Variants in PIBF1 observed in about 807,000 individuals in gnomAD.
PIBF1 encodes the protein progesterone immunomodulatory binding factor 1, also known as progesterone-induced-blocking factor 1.
A neutral mutation model predicts 112.5 loss-of-function variants in PIBF1; 90 were observed. The observed-to-expected ratio is 0.80, with a 90% CI of 0.67 to 0.95. PIBF1 has a LOEUF of 0.95. PIBF1 is among the 40% of genes least tolerant of loss of function. The probability of loss-of-function intolerance (pLI) is 0.00; values close to 1 mark genes in which losing one functional copy is unlikely to be tolerated. For missense variants in PIBF1, 915 were observed against 852.3 expected (o/e 1.07, Z -0.92); for synonymous variants, 301 against 288.6 (o/e 1.04, Z -0.44).
At chr13:72,798,380 C>A (rs1334795492) in intron 5 of PIBF1, among the ~76,000 whole-genome samples, 1 of 152,144 alleles carries the variant, frequency 6.6e-6, no homozygotes, top group Non-Finnish European at 1.5e-5. Flanking sequence ...TTTTTAACAT[C>A]ACTTTGTCAG....
At chr13:72,864,993 C>G (rs1422055524) in intron 10 of PIBF1, among the ~76,000 whole-genome samples, 1 of 152,034 alleles carries the variant, frequency 6.6e-6, no homozygotes, top group African/African-American at 2.4e-5. Context: ...GTGTAGTCAT[C>G]ATGAAAAGTT....
chr13:72,809,578 G>GT (rs976000443), intron 5 of PIBF1, among the ~76,000 whole-genome samples: 40 of 138,446 alleles, frequency 2.9e-4, no homozygotes, highest in African/African-American at 6.8e-4. Context: ...TTAATAGAAG[G>GT]TTTTTTTTTG....
intron 16 of PIBF1, 71 bp from the exon 17 acceptor site, chr13:72,998,751 A>G: frequency 2.1e-6 from 2 of 971,316 alleles, no homozygotes; most frequent in East Asian, 5.3e-5. Flanking sequence ...AAAATATTTT[A>G]ATATTAATCA....
At chr13:72,988,134 T>A (rs1220297414) in intron 16 of PIBF1, among the ~76,000 whole-genome samples, 1 of 152,038 alleles carries the variant, frequency 6.6e-6, no homozygotes, top group Admixed American at 6.6e-5. Flanking sequence ...ATGCTGAGAT[T>A]ACAGGCATGA....
intron 17 of PIBF1, among the ~76,000 whole-genome samples, chr13:73,010,816 T>C (rs1386426812): frequency 9.7e-5 from 10 of 102,720 alleles, no homozygotes; most frequent in African/African-American, 3.9e-4. Context: ...TTTTCTTTTT[T>C]TTTTTTTTTT....
At chr13:72,998,305 A>G (rs954674112) in intron 16 of PIBF1, among the ~76,000 whole-genome samples, 3 of 152,152 alleles carry the variant, frequency 2.0e-5, no homozygotes, top group African/African-American at 4.8e-5. Context: ...GAGATCTTCA[A>G]AAATTCCAAA....
intron 11 of PIBF1, among the ~76,000 whole-genome samples, chr13:72,907,721 G>A (rs945377558): frequency 1.3e-5 from 2 of 151,952 alleles, no homozygotes; most frequent in Admixed American, 6.6e-5. Flanking sequence ...AGTATATTAT[G>A]TTGTATTAGA....
chr13:72,828,898 C>A (rs917849142), intron 8 of PIBF1, among the ~76,000 whole-genome samples: 2 of 152,192 alleles, frequency 1.3e-5, no homozygotes, highest in Non-Finnish European at 2.9e-5. Flanking sequence ...ACACTCCCAC[C>A]AACACTGTAA....
In PIBF1 at chr13:72,998,825, T is replaced by G. The variant is rs747041142; in HGVS notation, c.2053T>G (p.Leu685Val). ...LEQLLNHREE[L>V]AAMKQILVKM... ...TTCTGTTTTCATATATCAACAGGAA[T>G]TGGCAGCAATGAAACAGATTCTCGT... is the stretch of plus-strand genomic sequence containing the variant. The change falls in exon 17 of 18, where the codon TTG (leucine) becomes GTG (valine). Residue 685 changes from leucine to valine, a missense_variant. Leu to Val is a conservative substitution (Grantham distance 32). Transcript: ENST00000326291. 6.2e-7 allele frequency: 1 copy of G among 1,609,732 alleles called. No individual in the cohort carries two copies. Among genetic ancestry groups the G allele is most frequent in the South Asian group, 1.1e-5 (1 of 90,274 alleles).
At chr13:72,993,775 C>A (rs1205831804) in intron 16 of PIBF1, among the ~76,000 whole-genome samples, 1 of 150,270 alleles carries the variant, frequency 6.7e-6, no homozygotes, top group African/African-American at 2.4e-5. Context: ...ATCAGGATGG[C>A]ATCAGAGTTT....
chr13:72,952,589 G>A (rs1432307786), intron 14 of PIBF1, among the ~76,000 whole-genome samples: 1 of 146,716 alleles, frequency 6.8e-6, no homozygotes, highest in East Asian at 2.0e-4. Flanking sequence ...AGACTATTTT[G>A]TCTACCCCAG....
At chr13:72,813,465 T>C (rs528375693) in intron 5 of PIBF1, among the ~76,000 whole-genome samples, 1 of 152,304 alleles carries the variant, frequency 6.6e-6, no homozygotes, top group Admixed American at 6.5e-5. Flanking sequence ...TTGTCACAGC[T>C]CTGAAGGTTG....
At chr13:72,983,499 G>T (rs564897140) in intron 16 of PIBF1, among the ~76,000 whole-genome samples, 2 of 152,184 alleles carry the variant, frequency 1.3e-5, no homozygotes, top group South Asian at 4.2e-4. Flanking sequence ...TTATTATCCT[G>T]GATAACTTTC....
intron 10 of PIBF1, among the ~76,000 whole-genome samples, chr13:72,866,418 T>C (rs1440167704): frequency 6.6e-6 from 1 of 152,182 alleles, no homozygotes; most frequent in Non-Finnish European, 1.5e-5. Context: ...TTTGAAATGA[T>C]TTAACTAAAA....
intron 2 of PIBF1, among the ~76,000 whole-genome samples, chr13:72,784,539 C>T (rs918244335): frequency 2.6e-5 from 4 of 151,940 alleles, no homozygotes; most frequent in Non-Finnish European, 5.9e-5. Context: ...CAGTGGATTG[C>T]TCCAAGCTCA....
At chr13:72,871,303 C>G (rs1013620031) in intron 10 of PIBF1, among the ~76,000 whole-genome samples, 1 of 152,050 alleles carries the variant, frequency 6.6e-6, no homozygotes, top group Non-Finnish European at 1.5e-5. Flanking sequence ...GTCTCTCTGT[C>G]TCTCTTTCTC....
chr13:72,782,729 CTGT>C (rs2034346019), intron 1 of PIBF1, among the ~76,000 whole-genome samples: 4 of 152,244 alleles, frequency 2.6e-5, no homozygotes. Flanking sequence ...TTCTTATATC[CTGT>C]TGTTTTCATT....
intron 10 of PIBF1, among the ~76,000 whole-genome samples, chr13:72,864,095 C>G (rs1383426751): frequency 6.6e-6 from 1 of 152,198 alleles, no homozygotes; most frequent in Non-Finnish European, 1.5e-5. Context: ...AAGTTGGAAT[C>G]ATGTTGTTAA....
intron 12 of PIBF1, among the ~76,000 whole-genome samples, chr13:72,909,618 C>T (rs543862976): frequency 1.3e-5 from 2 of 151,934 alleles, no homozygotes; most frequent in East Asian, 1.9e-4. Flanking sequence ...CCTCAGCCTC[C>T]GGGTAGCTGG....
Sources: gnomAD v4.1 joint callset for allele counts (sites outside exome capture counted in the v4.1 genomes callset) on GRCh38, gnomAD v4.1.1 for gene constraint, MANE v1.5 for transcripts, NCBI Gene and HGNC (gene_info 2026-07-23, HGNC 2026-07-21) for gene names.